The following NSMCE2 variants were observed in gnomAD, a reference collection of about 807,000 sequenced individuals.
NSMCE2 encodes NSE2 SUMO ligase component of SMC5/6 complex, also known as E3 SUMO-protein ligase NSE2.
A neutral mutation model predicts 23.8 loss-of-function variants in NSMCE2; 24 were observed. The observed-to-expected ratio is 1.01, with a 90% CI of 0.73 to 1.42. The LOEUF (loss-of-function observed/expected upper bound fraction) is 1.42, where lower values mean the gene tolerates loss of function less well. Ranked by LOEUF, NSMCE2 falls within the 40% of genes most tolerant of loss-of-function variation. The pLI is 0.00. For missense variants in NSMCE2, 284 were observed against 296.5 expected (o/e 0.96, Z 0.31); for synonymous variants, 92 against 94.1 (o/e 0.98, Z 0.13).
At chr8:125,363,940 T>G (rs1586824684) in intron 7 of NSMCE2, among the ~76,000 whole-genome samples, 1 of 152,122 alleles carries the variant, frequency 6.6e-6, no homozygotes, top group African/African-American at 2.4e-5. Flanking sequence ...GCACTTTTTT[T>G]TTGTTTGTTT....
At chr8:125,185,752 G>T (rs781100444) in intron 5 of NSMCE2, among the ~76,000 whole-genome samples, 1 of 152,150 alleles carries the variant, frequency 6.6e-6, no homozygotes, top group Admixed American at 6.5e-5. Flanking sequence ...AATATAAACA[G>T]TATTTGATAT....
intron 5 of NSMCE2, among the ~76,000 whole-genome samples, chr8:125,311,118 T>C (rs1395691726): frequency 1.3e-5 from 2 of 152,228 alleles, no homozygotes; most frequent in Non-Finnish European, 2.9e-5. Context: ...AAGATTTTGC[T>C]CTGGGGACCA....
chr8:125,168,542 G>T (rs574093061), intron 4 of NSMCE2, among the ~76,000 whole-genome samples: 1 of 152,202 alleles, frequency 6.6e-6, no homozygotes, highest in African/African-American at 2.4e-5. Context: ...TCAGCATCTG[G>T]TGAGGGCCTA....
intron 5 of NSMCE2, among the ~76,000 whole-genome samples, chr8:125,208,259 T>G (rs1160317453): frequency 6.6e-6 from 1 of 152,222 alleles, no homozygotes; most frequent in Non-Finnish European, 1.5e-5. Context: ...ATTCAGATAT[T>G]AAAACAACTT....
intron 5 of NSMCE2, among the ~76,000 whole-genome samples, chr8:125,242,088 C>G (rs930772727): frequency 6.6e-6 from 1 of 151,464 alleles, no homozygotes; most frequent in Non-Finnish European, 1.5e-5. Flanking sequence ...AAGTGTATCT[C>G]TATGTAAACA....
At chr8:125,105,013 ACT>A (rs1266875768) in intron 3 of NSMCE2, among the ~76,000 whole-genome samples, 1 of 151,940 alleles carries the variant, frequency 6.6e-6, no homozygotes, top group Non-Finnish European at 1.5e-5. Flanking sequence ...AGAGAGTGAG[ACT>A]CTGTCTCAAA....
intron 5 of NSMCE2, among the ~76,000 whole-genome samples, chr8:125,284,197 T>TA (rs34193294): frequency 1.3e-4 from 18 of 141,286 alleles, no homozygotes; most frequent in Non-Finnish European, 1.5e-4. Context: ...ATTTAGAGAG[T>TA]AAAAAAAAAA....
intron 5 of NSMCE2, among the ~76,000 whole-genome samples, chr8:125,285,082 CA>C (rs1486076207): frequency 5.9e-5 from 9 of 152,152 alleles, no homozygotes; most frequent in African/African-American, 2.2e-4. Context: ...TGCTGTAGTA[CA>C]AAGTATCAGT....
intron 4 of NSMCE2, among the ~76,000 whole-genome samples, chr8:125,167,303 A>G (rs1821936522): frequency 6.6e-6 from 1 of 152,202 alleles, no homozygotes; most frequent in Non-Finnish European, 1.5e-5. Flanking sequence ...AATTTGATGT[A>G]AAACAGAATA....
intron 5 of NSMCE2, among the ~76,000 whole-genome samples, chr8:125,274,250 A>G (rs182006882): frequency 1.5e-3 from 225 of 152,282 alleles, no homozygotes; most frequent in African/African-American, 5.3e-3. Context: ...CAGAAAATGA[A>G]ACAAAAAAAA....
chr8:125,243,140 G>C (rs956435815), intron 5 of NSMCE2, among the ~76,000 whole-genome samples: 3 of 152,166 alleles, frequency 2.0e-5, no homozygotes, highest in Non-Finnish European at 4.4e-5. Flanking sequence ...GAAAATGTAT[G>C]ATGCAGTTGA....
intron 5 of NSMCE2, among the ~76,000 whole-genome samples, chr8:125,342,090 T>G (rs1830274494): frequency 6.6e-6 from 1 of 152,072 alleles, no homozygotes; most frequent in African/African-American, 2.4e-5. Flanking sequence ...GGCAGTGGCC[T>G]TGATAAAATG....
chr8:125,172,453 C>G (rs141581477), intron 4 of NSMCE2, among the ~76,000 whole-genome samples: 14 of 152,306 alleles, frequency 9.2e-5, no homozygotes, highest in African/African-American at 3.1e-4. Flanking sequence ...AATATAGTGG[C>G]AGCAACAACA....
At chr8:125,195,699 C>G (rs192086108) in intron 5 of NSMCE2, among the ~76,000 whole-genome samples, 6 of 152,198 alleles carry the variant, frequency 3.9e-5, no homozygotes, top group Admixed American at 3.3e-4. Flanking sequence ...CACTGACCAT[C>G]AACCCACTTT....
At chr8:125,108,007 C>T (rs1177589829) in intron 3 of NSMCE2, among the ~76,000 whole-genome samples, 1 of 151,362 alleles carries the variant, frequency 6.6e-6, no homozygotes, top group Admixed American at 6.6e-5. Flanking sequence ...GTACTCCAGC[C>T]TGGGCAACAG....
At chr8:125,135,226 A>AT (rs2130588317) in intron 3 of NSMCE2, among the ~76,000 whole-genome samples, 1 of 152,116 alleles carries the variant, frequency 6.6e-6, no homozygotes, top group East Asian at 1.9e-4. Flanking sequence ...CCTAAAAAAG[A>AT]TTTTTTGGGG....
At chr8:125,303,020 C>G (rs1828623804) in intron 5 of NSMCE2, among the ~76,000 whole-genome samples, 1 of 152,200 alleles carries the variant, frequency 6.6e-6, no homozygotes, top group Non-Finnish European at 1.5e-5. Flanking sequence ...CCCGCATCTT[C>G]TGTTTCGCAA....
At chr8:125,252,894 C>G (rs1826255347) in intron 5 of NSMCE2, among the ~76,000 whole-genome samples, 1 of 152,350 alleles carries the variant, frequency 6.6e-6, no homozygotes, top group Non-Finnish European at 1.5e-5. Flanking sequence ...AGTGTCCTCA[C>G]CTACCAGCTG....
intron 5 of NSMCE2, among the ~76,000 whole-genome samples, chr8:125,255,365 G>T (rs1300707207): frequency 6.6e-6 from 1 of 152,164 alleles, no homozygotes; most frequent in Non-Finnish European, 1.5e-5. Flanking sequence ...TTGAAGCAAT[G>T]TAGATTACAA....
Sources: gnomAD v4.1 joint callset for allele counts (sites outside exome capture counted in the v4.1 genomes callset) on GRCh38, gnomAD v4.1.1 for gene constraint, MANE v1.5 for transcripts, NCBI Gene and HGNC (gene_info 2026-07-23, HGNC 2026-07-21) for gene names.